Variants in CDK14 observed in about 807,000 individuals in gnomAD.
The protein encoded by CDK14 is cyclin dependent kinase 14, also known as cyclin-dependent kinase 14.
A neutral mutation model predicts 60.7 loss-of-function variants in CDK14; 34 were observed. The ratio of observed to expected loss-of-function variants is 0.56; its 90% CI spans 0.43 to 0.75. The LOEUF (loss-of-function observed/expected upper bound fraction) is 0.75. Among genes scored for constraint, CDK14 ranks in the 30% least tolerant of loss-of-function variants. CDK14 has a pLI of 0.00. For missense variants in CDK14, 482 were observed against 564.1 expected (o/e 0.85, Z 1.47); for synonymous variants, 197 against 203.7 (o/e 0.97, Z 0.28).
At chr7:91,188,505 G>A (rs1007170639) in intron 14 of CDK14, among the ~76,000 whole-genome samples, 2 of 152,148 alleles carry the variant, frequency 1.3e-5, no homozygotes, top group Non-Finnish European at 2.9e-5. Flanking sequence ...TACCAGTTAA[G>A]AGCTAGAAAC....
intron 5 of CDK14, among the ~76,000 whole-genome samples, chr7:90,799,200 C>A (rs910453238): frequency 3.3e-5 from 5 of 152,060 alleles, no homozygotes; most frequent in Non-Finnish European, 5.9e-5. Context: ...TAATAGGGAA[C>A]AAATTTAAAT....
chr7:90,622,447 G>A (rs1028052220), intron 2 of CDK14, among the ~76,000 whole-genome samples: 4 of 152,240 alleles, frequency 2.6e-5, no homozygotes, highest in Non-Finnish European at 4.4e-5. Flanking sequence ...TCAATCTAAC[G>A]CGGTGATCTT....
rs977453327 is a variant in CDK14 at position 90,761,960 on chromosome 7, G to A, written c.464+14185G>A. ...AGCATATTATCCAGTGAGGGAGGCA[G>A]AAATTAATCAAGTCAGCAGACAGAA... On this transcript the variant is annotated intron_variant, in intron 4 of 14. Coordinates refer to ENST00000380050, the MANE Select transcript of CDK14 (RefSeq NM_001287135.2). Among the ~76,000 whole-genome samples the A allele has an allele frequency of 2.0e-5, 3 of 152,202 alleles. No homozygotes were observed. In the South Asian group the frequency reaches 6.2e-4, roughly 32 times the overall value.
chr7:90,798,864 C>T (rs1788533180), intron 5 of CDK14, among the ~76,000 whole-genome samples: 2 of 152,142 alleles, frequency 1.3e-5, no homozygotes, highest in Non-Finnish European at 2.9e-5. Context: ...TGCTCAGGGT[C>T]AGCTTTTCTA....
At chr7:90,642,358 C>T (rs1445623479) in intron 2 of CDK14, among the ~76,000 whole-genome samples, 1 of 152,110 alleles carries the variant, frequency 6.6e-6, no homozygotes, top group Non-Finnish European at 1.5e-5. Context: ...CATAATATTT[C>T]AGTAAGTTAA....
At chr7:90,650,268 G>C (rs192990192) in intron 2 of CDK14, among the ~76,000 whole-genome samples, 1 of 152,286 alleles carries the variant, frequency 6.6e-6, no homozygotes, top group African/African-American at 2.4e-5. Context: ...TTTGAGTAGT[G>C]TCTGTTCATG....
intron 2 of CDK14, among the ~76,000 whole-genome samples, chr7:90,616,583 T>G (rs1799654585): frequency 6.6e-6 from 1 of 152,188 alleles, no homozygotes; most frequent in African/African-American, 2.4e-5. Context: ...CCAGATGCCC[T>G]AATTGAGTTC....
intron 14 of CDK14, among the ~76,000 whole-genome samples, chr7:91,174,218 G>A (rs1385981055): frequency 6.6e-6 from 1 of 151,912 alleles, no homozygotes; most frequent in Non-Finnish European, 1.5e-5. Flanking sequence ...ACACGGCAGG[G>A]TATTCCAACA....
chr7:90,641,851 T>TAGG (rs1165222475), intron 2 of CDK14, among the ~76,000 whole-genome samples: 4 of 152,176 alleles, frequency 2.6e-5, no homozygotes, highest in Admixed American at 6.5e-5. Context: ...TTAATGGACT[T>TAGG]ACAGTTCCAC....
intron 12 of CDK14, among the ~76,000 whole-genome samples, chr7:91,094,374 C>T (rs1169623549): frequency 5.9e-5 from 9 of 152,080 alleles, no homozygotes; most frequent in Non-Finnish European, 2.9e-5. Context: ...CTTTTAAGTC[C>T]ATTTAGTAAG....
At chr7:90,771,721 A>G (rs1482036078) in intron 4 of CDK14, among the ~76,000 whole-genome samples, 1 of 152,156 alleles carries the variant, frequency 6.6e-6, no homozygotes, top group Non-Finnish European at 1.5e-5. Context: ...AGCTGAAGTG[A>G]AGCCTTGGCC....
intron 2 of CDK14, among the ~76,000 whole-genome samples, chr7:90,687,738 G>A (rs898962352): frequency 6.6e-6 from 1 of 152,000 alleles, no homozygotes; most frequent in South Asian, 2.1e-4. Context: ...TTAAAACATA[G>A]CATTTTACCT....
intron 2 of CDK14, among the ~76,000 whole-genome samples, chr7:90,644,105 C>T (rs572959092): frequency 2.7e-4 from 41 of 152,250 alleles, no homozygotes; most frequent in Non-Finnish European, 4.7e-4. Context: ...CCCTCTACTC[C>T]GTGTGAGTAT....
intron 11 of CDK14, among the ~76,000 whole-genome samples, chr7:91,050,368 A>G (rs944617112): frequency 2.6e-5 from 4 of 152,114 alleles, no homozygotes; most frequent in African/African-American, 9.7e-5. Context: ...TCCCTTTTTC[A>G]ATTCCTATGA....
chr7:90,742,064 A>T (rs1803369221), intron 3 of CDK14, among the ~76,000 whole-genome samples: 1 of 151,962 alleles, frequency 6.6e-6, no homozygotes, highest in Non-Finnish European at 1.5e-5. Flanking sequence ...ATTTCTTAGA[A>T]TTTTTGCTCC....
chr7:91,166,168 T>C (rs994226441), intron 14 of CDK14, among the ~76,000 whole-genome samples: 1 of 152,218 alleles, frequency 6.6e-6, no homozygotes, highest in Admixed American at 6.5e-5. Context: ...GAGAGACTTA[T>C]GAAATGCATA....
chr7:90,967,171 G>C (rs1292059026), intron 9 of CDK14, among the ~76,000 whole-genome samples: 1 of 138,738 alleles, frequency 7.2e-6, no homozygotes, highest in Non-Finnish European at 1.6e-5. Flanking sequence ...GGGAGGGAAG[G>C]AAGGAGGGAA....
intron 14 of CDK14, among the ~76,000 whole-genome samples, chr7:91,139,815 T>TTTCTTTCTTTCTTTC (rs376725946): frequency 7.6e-6 from 1 of 132,274 alleles, no homozygotes; most frequent in Non-Finnish European, 1.7e-5. Context: ...TCTTTCTTTC[T>TTTCTTTCTTTCTTTC]TTTCTTTTCT....
At chr7:90,630,914 G>A (rs1365532643) in intron 2 of CDK14, among the ~76,000 whole-genome samples, 1 of 151,726 alleles carries the variant, frequency 6.6e-6, no homozygotes, top group Non-Finnish European at 1.5e-5. Context: ...GTGTGTGTGT[G>A]TGTACCTAAA....
Sources: gnomAD v4.1 joint callset for allele counts (sites outside exome capture counted in the v4.1 genomes callset) on GRCh38, gnomAD v4.1.1 for gene constraint, MANE v1.5 for transcripts, NCBI Gene and HGNC (gene_info 2026-07-23, HGNC 2026-07-21) for gene names.